Variants in ASMT observed in about 807,000 individuals in gnomAD.
ASMT encodes the protein acetylserotonin O-methyltransferase.
In ASMT, 53 loss-of-function variants were observed where a neutral mutation model predicts 41.3. That is an observed-to-expected ratio of 1.28 (90% CI 1.03 to 1.61). The LOEUF is 1.61. Ranked by LOEUF, ASMT falls within the 40% of genes most tolerant of loss-of-function variation. ASMT has a pLI of 0.00. For missense variants in ASMT, 531 were observed against 441.3 expected, an observed-to-expected ratio of 1.20 and a Z score of -1.82; for synonymous variants, 231 against 184.8, an observed-to-expected ratio of 1.25 and a Z score of -2.03.
At chrX:1,630,660 G>T (rs1934739960) in intron 5 of ASMT, among the ~76,000 whole-genome samples, 1 of 151,728 alleles carries the variant, frequency 6.6e-6, no homozygotes, top group Non-Finnish European at 1.5e-5. Flanking sequence ...AGGCTCAAGT[G>T]GTCCTCCCAC....
At chrX:1,642,026 A>T (rs1935198333) in intron 8 of ASMT, among the ~76,000 whole-genome samples, 1 of 136,294 alleles carries the variant, frequency 7.3e-6, no homozygotes, top group African/African-American at 2.8e-5. Context: ...TGTAATGGGG[A>T]TAGCATCCCA....
chrX:1,616,551 T>C (rs1354035574), intron 1 of ASMT, among the ~76,000 whole-genome samples: 1 of 151,210 alleles, frequency 6.6e-6, no homozygotes, highest in Non-Finnish European at 1.5e-5. Context: ...ACGAATGTAC[T>C]AAGTGCCCCT....
chrX:1,616,750 C>T lies in ASMT; in HGVS notation c.69+1482C>T, dbSNP rs1163256143. On this transcript the variant is annotated intron_variant, in intron 1 of 8. Transcript: ENST00000381241. ...TTGAGACAGAGTCTCGCTCTGTCGC[C>T]CAGGCTGGAGTGCAATGGCACGATC... Among the ~76,000 whole-genome samples, 5 of 150,118 alleles carry T rather than the reference C, an allele frequency of 3.3e-5. 1 individual carries two copies. The highest frequency in any genetic ancestry group is 7.5e-5 in the Non-Finnish European group (5 of 66,930).
intron 4 of ASMT, among the ~76,000 whole-genome samples, chrX:1,628,674 CCTTCT>C (rs1326440402): frequency 4.7e-5 from 7 of 149,392 alleles, no homozygotes; most frequent in South Asian, 2.1e-4. Flanking sequence ...CTCTCCTTTT[CCTTCT>C]CTTCTCTTCT....
chrX:1,615,543 C>G (rs1416719963), intron 1 of ASMT, among the ~76,000 whole-genome samples: 1 of 152,088 alleles, frequency 6.6e-6, no homozygotes, highest in African/African-American at 2.4e-5. Context: ...TGGCTCACAC[C>G]TGTGATCCCA....
rs779386715 is a variant in ASMT, at chrX:1,618,108, ACCTGGGATTACAGGTG to A, written c.69+2845_69+2860del. Among the ~76,000 whole-genome samples, 1,080 of 152,086 alleles carry A rather than the reference ACCTGGGATTACAGGTG, an allele frequency of 7.1e-3. 16 individuals carry two copies. Among genetic ancestry groups the A allele is most frequent in the African/African-American group, 0.025 (1,038 of 41,490 alleles). On this transcript the variant is annotated intron_variant, in intron 1 of 8. Coordinates refer to ENST00000381241, the MANE Select transcript of ASMT (RefSeq NM_001171038.2). The stretch of plus-strand genomic sequence containing the variant: ...ATTCTCCTGCCTCAGCCTCCTGAGT[ACCTGGGATTACAGGTG>A]CCTGCCACCAAGCCTGGCTAACTTT...
chrX:1,625,736 C>T (rs1412306603), intron 3 of ASMT, among the ~76,000 whole-genome samples: 24 of 151,354 alleles, frequency 1.6e-4, no homozygotes, highest in African/African-American at 3.9e-4. Context: ...GGGCGGATCA[C>T]GAGGTCAGGA....
intron 8 of ASMT, among the ~76,000 whole-genome samples, chrX:1,641,422 G>A (rs28620224): frequency 0.046 from 6,629 of 143,988 alleles, 908 homozygotes; most frequent in African/African-American, 0.15. Flanking sequence ...CCATGAGGAT[G>A]TGGACACAGC....
intron 1 of ASMT, 71 bp downstream of exon 1, chrX:1,615,339 A>G: frequency 1.4e-6 from 2 of 1,417,512 alleles, no homozygotes; most frequent in Non-Finnish European, 9.8e-7. Context: ...TTGTTGTGTC[A>G]GTCGAGAAAA....
chrX:1,619,181 G>A lies in ASMT; in HGVS notation c.69+3913G>A, dbSNP rs780596856. On this transcript the variant is annotated intron_variant, in intron 1 of 8. Coordinates refer to ENST00000381241, the MANE Select transcript of ASMT (RefSeq NM_001171038.2). ...GAGGCCGAGGCGGGCGGATCACAAG[G>A]TCAGGAGTTCGAGACCAGCCTGGCC... Among the ~76,000 whole-genome samples, 132 of 152,086 alleles carry A rather than the reference G, an allele frequency of 8.7e-4. 1 individual carries two copies. The highest frequency in any genetic ancestry group is 2.7e-3 in the African/African-American group (111 of 41,506).
intron 4 of ASMT, 145 bp downstream of exon 4, chrX:1,627,916 T>C: frequency 1.2e-6 from 1 of 807,790 alleles, no homozygotes; most frequent in South Asian, 1.4e-5. Context: ...CTATCCCCAC[T>C]ACTACCCCAG....
Position 1,625,765 on chromosome X carries a change from T to C in ASMT, c.374+1367T>C, listed in dbSNP as rs111854919. Reference sequence around the variant, plus strand: ...GTCAGGAGATCGAGACCATCCTGGCTAACACGGTGAAACCCCGTCTCTATT... The same window carrying C: ...GTCAGGAGATCGAGACCATCCTGGCCAACACGGTGAAACCCCGTCTCTATT... On this transcript the variant is annotated intron_variant, in intron 3 of 8. Transcript: ENST00000381241. Among the ~76,000 whole-genome samples, 457 of 151,348 alleles carry C rather than the reference T, an allele frequency of 3.0e-3. 3 individuals carry two copies. The highest frequency in any genetic ancestry group is 0.01 in the African/African-American group (434 of 41,344).
In ASMT at chrX:1,615,277, C is replaced by T. The variant is rs1351811821; in HGVS notation, c.69+9C>T. On this transcript the variant is annotated intron_variant, in intron 1 of 8. Coordinates refer to ENST00000381241, the MANE Select transcript of ASMT (RefSeq NM_001171038.2). The stretch of plus-strand genomic sequence containing the variant: ...GCTTCATGGTGTCCCAGGTAGGATA[C>T]GCTCTGTGGGACAAGGGGGAATAGA... 61 of 1,585,892 alleles carry T rather than the reference C, an allele frequency of 3.8e-5. No individual in the cohort carries two copies. The highest frequency in any genetic ancestry group is 1.8e-4 in the Admixed American group (10 of 55,334).
intron 5 of ASMT, among the ~76,000 whole-genome samples, chrX:1,631,974 G>A (rs191482218): frequency 2.6e-5 from 4 of 152,208 alleles, no homozygotes; most frequent in South Asian, 2.1e-4. Context: ...GCTTGTACCC[G>A]GGAAGTGAAG....
At chrX:1,642,550 G>T (rs1935229355) in intron 8 of ASMT, among the ~76,000 whole-genome samples, 1 of 150,642 alleles carries the variant, frequency 6.6e-6, no homozygotes, top group Admixed American at 6.6e-5. Context: ...CTCCTGTGAG[G>T]TCCATCCATC....
intron 1 of ASMT, among the ~76,000 whole-genome samples, chrX:1,616,958 T>C (rs2149458916): frequency 6.6e-6 from 1 of 151,914 alleles, no homozygotes; most frequent in Non-Finnish European, 1.5e-5. Flanking sequence ...TCCGCCCGCC[T>C]CGGCCTCCCA....
intron 4 of ASMT, among the ~76,000 whole-genome samples, chrX:1,629,024 T>TTCCC (rs200501564): frequency 3.4e-5 from 5 of 148,010 alleles, no homozygotes; most frequent in African/African-American, 1.0e-4. Context: ...CCTTCCTTCC[T>TTCCC]TCCCTCCCTC....
chrX:1,615,573 C>T (rs758397510), intron 1 of ASMT, among the ~76,000 whole-genome samples: 17 of 152,074 alleles, frequency 1.1e-4, no homozygotes, highest in East Asian at 9.7e-4. Context: ...GAGGCTGAGG[C>T]GGGCGGATCA....
At chrX:1,615,836 A>G (rs1934075419) in intron 1 of ASMT, among the ~76,000 whole-genome samples, 1 of 152,030 alleles carries the variant, frequency 6.6e-6, no homozygotes. Context: ...AAAAAAAGAA[A>G]CAAAGCTTAA....
Sources: gnomAD v4.1 joint callset for allele counts (sites outside exome capture counted in the v4.1 genomes callset) on GRCh38, gnomAD v4.1.1 for gene constraint, MANE v1.5 for transcripts, NCBI Gene and HGNC (gene_info 2026-07-23, HGNC 2026-07-21) for gene names.